The following TUBGCP3 variants were observed in gnomAD, a reference collection of about 807,000 sequenced individuals.
TUBGCP3 encodes the protein gamma-tubulin complex component 3.
Under a neutral mutation model 123.1 loss-of-function variants are expected in TUBGCP3, and 50 were observed. The ratio of observed to expected loss-of-function variants is 0.41; its 90% CI spans 0.32 to 0.51. TUBGCP3 has a LOEUF of 0.51. Among genes scored for constraint, TUBGCP3 ranks in the 20% least tolerant of loss-of-function variants. TUBGCP3 has a pLI of 0.36. For missense variants in TUBGCP3, 882 were observed against 1,127.0 expected (o/e 0.78, Z 3.11); for synonymous variants, 405 against 413.9 (o/e 0.98, Z 0.26).
chr13:112,591,913 C>T (rs1468685029), upstream of TUBGCP3, among the ~76,000 whole-genome samples: 1 of 152,126 alleles, frequency 6.6e-6, no homozygotes, highest in Non-Finnish European at 1.5e-5. Flanking sequence ...TTCACGTGCC[C>T]CTTTACATTG....
chr13:112,583,356 G>C (rs890907846), intron 1 of TUBGCP3, among the ~76,000 whole-genome samples: 1 of 152,122 alleles, frequency 6.6e-6, no homozygotes, highest in African/African-American at 2.4e-5. Context: ...ACTACAAATA[G>C]AGAACAAATT....
chr13:112,490,367 T>C (rs925283503), intron 20 of TUBGCP3, among the ~76,000 whole-genome samples: 4 of 152,230 alleles, frequency 2.6e-5, no homozygotes, highest in Non-Finnish European at 5.9e-5. Context: ...GTGATTCTTC[T>C]GCCTCAGCCT....
chr13:112,520,538 GA>G (rs201280831), intron 14 of TUBGCP3, among the ~76,000 whole-genome samples: 8 of 149,960 alleles, frequency 5.3e-5, no homozygotes, highest in African/African-American at 1.7e-4. Flanking sequence ...TCAAAAAAAA[GA>G]AAAAAAAAGA....
intron 3 of TUBGCP3, 149 bp downstream of exon 3, chr13:112,564,962 C>CA (rs1377002997): frequency 5.0e-6 from 3 of 600,518 alleles, no homozygotes; most frequent in Middle Eastern, 3.7e-4. Flanking sequence ...GAAGCTCACA[C>CA]AAAAAAAGCA....
At chr13:112,488,525 T>A (rs1344450555) in intron 21 of TUBGCP3, among the ~76,000 whole-genome samples, 1 of 151,922 alleles carries the variant, frequency 6.6e-6, no homozygotes, top group Admixed American at 6.5e-5. Flanking sequence ...CCATCGGGAG[T>A]CACTGAAAAA....
chr13:112,546,877 A>C (rs1879045723), intron 10 of TUBGCP3: 1 of 152,384 alleles, frequency 6.6e-6, no homozygotes, highest in East Asian at 1.9e-4. Flanking sequence ...GGGGCCCTGC[A>C]GATTCTGGGG....
intron 17 of TUBGCP3, among the ~76,000 whole-genome samples, chr13:112,510,280 G>A (rs1364608302): frequency 1.3e-5 from 2 of 152,096 alleles, no homozygotes; most frequent in Non-Finnish European, 2.9e-5. Context: ...CCTCACATGC[G>A]GAGATGCCCC....
At chr13:112,589,018 A>G (rs759775033), upstream of TUBGCP3, among the ~76,000 whole-genome samples, 3 of 152,210 alleles carry the variant, frequency 2.0e-5, no homozygotes, top group Non-Finnish European at 4.4e-5. Context: ...CTTGTAGGGT[A>G]TTACAGTCAA....
At position 112,504,043 on chromosome 13, in the gene TUBGCP3, T is replaced by C. The variant is rs759960025; in HGVS notation, c.2296A>G (p.Ser766Gly). The C allele has an allele frequency of 1.1e-5, 18 of 1,611,926 alleles. No individual in the cohort carries two copies. In the East Asian group the frequency reaches 3.8e-4, roughly 34 times the overall value. The change falls in exon 19 of 22, where the codon AGT (serine) becomes GGT (glycine). Residue 766 changes from serine (S) to glycine (G), a missense_variant. Transcript: ENST00000261965. ...GGTCGGAGTCTTACCCTGGAGTCAC[T>C]GTCCAGCAGGCAGCGGGAGATGATG... ...DTIISRCLLD[S>G]DSRALLNQLR...
In TUBGCP3 at chr13:112,551,227, G is replaced by C. The variant is rs927878030; in HGVS notation, c.966+2830C>G. 2.6e-5 allele frequency among the ~76,000 whole-genome samples: 4 copies of C among 152,262 alleles called. No individual in the cohort carries two copies. The South Asian group carries it at 6.2e-4, about 24-fold the overall frequency. On this transcript the variant is annotated intron_variant, in intron 8 of 21. Coordinates refer to ENST00000261965, the MANE Select transcript of TUBGCP3 (RefSeq NM_006322.6). ...GAAGTCTACAACCAAAAGAGTGGAA[G>C]TGCAGGCAGAGCGCGGCAGCGCCAC...
intron 11 of TUBGCP3, among the ~76,000 whole-genome samples, chr13:112,535,541 T>C (rs1444578695): frequency 2.0e-5 from 3 of 152,198 alleles, no homozygotes; most frequent in African/African-American, 7.2e-5. Flanking sequence ...CATTTCGCTA[T>C]AATAATAATC....
At chr13:112,528,674 T>C (rs962965973) in intron 11 of TUBGCP3, among the ~76,000 whole-genome samples, 1 of 152,192 alleles carries the variant, frequency 6.6e-6, no homozygotes, top group African/African-American at 2.4e-5. Context: ...CCATTGTTTA[T>C]AGTATGGTCC....
At chr13:112,548,353 T>C (rs9550139) in intron 8 of TUBGCP3, among the ~76,000 whole-genome samples, 177 bp from the exon 9 acceptor site, 45,090 of 152,036 alleles carry the variant, frequency 0.3, 7,384 homozygotes, top group African/African-American at 0.42. Context: ...ATTTTAATAA[T>C]ATGAAAAAAG....
At chr13:112,568,878 C>G (rs1435202789) in intron 2 of TUBGCP3, among the ~76,000 whole-genome samples, 3 of 152,202 alleles carry the variant, frequency 2.0e-5, no homozygotes, top group Non-Finnish European at 4.4e-5. Flanking sequence ...ATCAGATAAC[C>G]TACTCACCAA....
At position 112,576,910 on chromosome 13, in the gene TUBGCP3, CA is replaced by C. The variant is rs1174402133; in HGVS notation, c.77-7652del. Reference sequence around the variant, plus strand: ...ATTAGGAAATGGTAAAACAAACAAACAAAAAAAAAAAAACCCCAGCAGTCAA... The same window carrying C: ...ATTAGGAAATGGTAAAACAAACAAACAAAAAAAAAAAACCCCAGCAGTCAA... On this transcript the variant is annotated intron_variant, in intron 1 of 21. Transcript: ENST00000261965. Among the ~76,000 whole-genome samples, 515 of 58,600 alleles carry C rather than the reference CA, an allele frequency of 8.8e-3. 1 individual carries two copies. The highest frequency in any genetic ancestry group is 0.014 in the Non-Finnish European group (364 of 25,618). 38.4% of individuals were successfully genotyped at this position (58,600 alleles called of 152,430 possible). A position where few individuals can be genotyped will look rare whatever the true frequency, so the allele number is the denominator to read the frequency against.
chr13:112,552,125 C>T (rs1324327580), intron 8 of TUBGCP3, among the ~76,000 whole-genome samples: 2 of 152,178 alleles, frequency 1.3e-5, no homozygotes, highest in South Asian at 2.1e-4. Context: ...GAACCAGTAC[C>T]GGTCCACAGT....
chr13:112,502,840 C>T (rs573490141), intron 19 of TUBGCP3, among the ~76,000 whole-genome samples: 10 of 152,134 alleles, frequency 6.6e-5, no homozygotes, highest in South Asian at 2.1e-4. Context: ...CCACTGCCCC[C>T]GGCCTGTATA....
At chr13:112,584,613 C>A (rs928888860) in intron 1 of TUBGCP3, among the ~76,000 whole-genome samples, 2 of 152,212 alleles carry the variant, frequency 1.3e-5, no homozygotes, top group African/African-American at 4.8e-5. Context: ...GTAGGACACT[C>A]ATAGAGGTCT....
chr13:112,565,223 A>G (rs755726004), intron 2 of TUBGCP3, 45 bp from the exon 3 acceptor site: 1 of 1,531,044 alleles, frequency 6.5e-7, no homozygotes, highest in Non-Finnish European at 9.0e-7. Context: ...ACAAACACCA[A>G]AATTCATTCT....
Sources: allele counts gnomAD v4.1 joint callset (sites outside exome capture counted in the v4.1 genomes callset), GRCh38; gene constraint gnomAD v4.1.1; transcripts MANE v1.5; gene names NCBI Gene and HGNC (gene_info 2026-07-23, HGNC 2026-07-21).